EPHX2: variants seen among roughly 807,000 people sequenced by gnomAD.
EPHX2 encodes the protein bifunctional epoxide hydrolase 2.
Under a neutral mutation model 78.7 loss-of-function variants are expected in EPHX2, and 74 were observed. The observed-to-expected ratio is 0.94, with a 90% CI of 0.78 to 1.14. EPHX2 has a LOEUF of 1.14. Among genes scored for constraint, EPHX2 ranks in the 50% most tolerant of loss-of-function variants. EPHX2 has a pLI of 0.00. For missense variants in EPHX2, 715 were observed against 702.5 expected (o/e 1.02, Z -0.20); for synonymous variants, 251 against 255.2 (o/e 0.98, Z 0.16).
At chr8:27,517,665 A>G (rs1425759920) in intron 8 of EPHX2, among the ~76,000 whole-genome samples, 1 of 152,250 alleles carries the variant, frequency 6.6e-6, no homozygotes, top group East Asian at 1.9e-4. Flanking sequence ...TCTTCAAACA[A>G]ATGGTGGTGG....
chr8:27,530,762 CT>C (rs11343503), intron 12 of EPHX2, among the ~76,000 whole-genome samples: 14,630 of 127,108 alleles, frequency 0.12, 789 homozygotes, highest in African/African-American at 0.26. Context: ...TAATTTTTTT[CT>C]TTTTTTTTTT....
chr8:27,512,243 T>G, intron 6 of EPHX2: 1 of 305,086 alleles, frequency 3.3e-6, no homozygotes, highest in South Asian at 3.4e-5. Flanking sequence ...TCTCGGATTC[T>G]ATAAAGCAGT....
At chr8:27,536,301 C>T (rs1815208923) in intron 12 of EPHX2, among the ~76,000 whole-genome samples, 2 of 152,162 alleles carry the variant, frequency 1.3e-5, no homozygotes, top group South Asian at 2.1e-4. Context: ...GATGGGGTCT[C>T]GCTAGGTTGC....
At chr8:27,543,257 A>G (rs1380642468) in intron 16 of EPHX2, among the ~76,000 whole-genome samples, 1 of 152,026 alleles carries the variant, frequency 6.6e-6, no homozygotes, top group African/African-American at 2.4e-5. Flanking sequence ...GAGCGAGAAC[A>G]AAGGAAAAAA....
Position 27,501,021 on chromosome 8 carries a change from A to G in EPHX2, c.186+11A>G. 4 of 1,607,618 alleles carry G rather than the reference A, an allele frequency of 2.5e-6. No individual in the cohort carries two copies. The highest frequency in any genetic ancestry group is 3.4e-6 in the Non-Finnish European group (4 of 1,174,788). On this transcript the variant is annotated intron_variant, in intron 2 of 18. Transcript: ENST00000521400. ...ATCACACTTTCCCAGGTGAGGGGAC[A>G]TCACCACACAGAGCCCTTTGGATGA...
Position 27,545,387 on chromosome 8 carries a change from T to G in EPHX2, c.*865T>G, listed in dbSNP as rs966442020. The G allele has an allele frequency of 6.6e-6, 1 of 152,330 alleles. No homozygotes were observed. Among genetic ancestry groups the G allele is most frequent in the Non-Finnish European group, 1.5e-5 (1 of 68,172 alleles). The allele number at this position is 152,330 out of a possible 1,614,324, so 9.4% of individuals were successfully genotyped here. Reference sequence around the variant, plus strand: ...ACATCCGGTTAGGCTCCCATCTCACTGATGTGTCTCCTGCAGTGGTCTCTC... The same window carrying G: ...ACATCCGGTTAGGCTCCCATCTCACGGATGTGTCTCCTGCAGTGGTCTCTC... On this transcript the variant is annotated 3_prime_UTR_variant, in exon 19 of 19. Coordinates refer to ENST00000521400, the MANE Select transcript of EPHX2 (RefSeq NM_001979.6).
chr8:27,540,606 T>G lies in EPHX2; in HGVS notation c.1329T>G (p.Thr443=), dbSNP rs1815367252. 1 of 1,614,154 alleles carries G rather than the reference T, an allele frequency of 6.2e-7. No homozygotes were observed. Among genetic ancestry groups the G allele is most frequent in the Non-Finnish European group, 8.5e-7 (1 of 1,180,022 alleles). ...AGCCCAGCCTCAGCAGGATGGTCAC[T>G]GAGGAGGAAATCCAGTTCTATGTGC... ...PEEPSLSRMV[T]EEEIQFYVQQ... is the part of the protein sequence containing the mutation. Residue 443 remains threonine (T), a synonymous_variant, in exon 15 of 19, where the codon ACT becomes ACG. Coordinates refer to ENST00000521400, the MANE Select transcript of EPHX2 (RefSeq NM_001979.6).
At chr8:27,534,880 G>A (rs1815161290) in intron 12 of EPHX2, among the ~76,000 whole-genome samples, 1 of 152,340 alleles carries the variant, frequency 6.6e-6, no homozygotes, top group Non-Finnish European at 1.5e-5. Context: ...CCCCTTGGTG[G>A]TGGGAAAGAT....
intron 11 of EPHX2, among the ~76,000 whole-genome samples, chr8:27,525,122 G>GCC (rs1554523148): frequency 6.7e-6 from 1 of 150,356 alleles, no homozygotes; most frequent in African/African-American, 2.5e-5. Flanking sequence ...GCGCGCGCGC[G>GCC]CACCTATGTG....
At chr8:27,522,320 G>T in intron 10 of EPHX2, 103 bp from the exon 11 acceptor site, 1 of 1,057,354 alleles carries the variant, frequency 9.5e-7, no homozygotes, top group Admixed American at 2.0e-5. Flanking sequence ...TGTGGGTCGG[G>T]GGAGGAGACC....
chr8:27,501,394 T>TTCTTCTTCTGCTTCTGCTTC (rs376633107), intron 2 of EPHX2, among the ~76,000 whole-genome samples: 1 of 73,064 alleles, frequency 1.4e-5, no homozygotes, highest in African/African-American at 4.2e-5. Context: ...CTTCTTCTTC[T>TTCTTCTTCTGCTTCTGCTTC]TTCTTCTTTC....
At chr8:27,540,677 A>C (rs1351706055) in intron 15 of EPHX2, 21 bp downstream of exon 15, 2 of 1,606,310 alleles carry the variant, frequency 1.2e-6, no homozygotes, top group Non-Finnish European at 1.7e-6. Context: ...CACAGGGCCC[A>C]GACACAGATG....
At chr8:27,507,279 C>T (rs1291567108) in intron 5 of EPHX2, among the ~76,000 whole-genome samples, 1 of 152,176 alleles carries the variant, frequency 6.6e-6, no homozygotes, top group Non-Finnish European at 1.5e-5. Flanking sequence ...GTCATCCTGA[C>T]CTCACTTTTG....
intron 13 of EPHX2, 58 bp downstream of exon 13, chr8:27,536,913 G>A (rs1459528935): frequency 1.3e-6 from 2 of 1,583,570 alleles, no homozygotes; most frequent in Admixed American, 1.7e-5. Flanking sequence ...AGGAAGTAGG[G>A]TACCTAGTGT....
intron 1 of EPHX2, among the ~76,000 whole-genome samples, chr8:27,498,414 C>CT (rs906880570): frequency 2.0e-4 from 29 of 145,490 alleles, no homozygotes; most frequent in East Asian, 4.0e-4. Context: ...TATCAAGTTG[C>CT]TTTTTTTTTT....
downstream of EPHX2, among the ~76,000 whole-genome samples, chr8:27,546,918 G>A (rs911366275): frequency 2.0e-5 from 3 of 152,200 alleles, no homozygotes; most frequent in Non-Finnish European, 4.4e-5. Flanking sequence ...GGCTGGGGAG[G>A]CTCCAGAAAA....
intron 12 of EPHX2, among the ~76,000 whole-genome samples, chr8:27,534,410 G>A (rs1815144580): frequency 6.6e-6 from 1 of 152,150 alleles, no homozygotes; most frequent in African/African-American, 2.4e-5. Context: ...CAGCACTTTG[G>A]GAGGCCGAGG....
intron 9 of EPHX2, 82 bp from the exon 10 acceptor site, chr8:27,520,801 G>T: frequency 6.4e-7 from 1 of 1,557,846 alleles, no homozygotes; most frequent in Non-Finnish European, 8.9e-7. Flanking sequence ...CAGTTTTGGG[G>T]AGGACGCAGT....
rs72475868 is a variant in EPHX2 at position 27,520,878 on chromosome 8, C to T, written c.946-5C>T. 2,331 of 1,614,158 alleles carry T rather than the reference C, an allele frequency of 1.4e-3. 31 individuals carry two copies. The African/African-American group carries it at 0.028, about 19-fold the overall frequency. ...GATTTTGCCTGTGTGTGTCTTCTTC[C>T]TTAGGAGATGGTAACCTTCCTGGAT... On this transcript the variant is annotated splice_polypyrimidine_tract_variant and splice_region_variant and intron_variant, in intron 9 of 18. Coordinates refer to ENST00000521400, the MANE Select transcript of EPHX2 (RefSeq NM_001979.6).
Sources: gnomAD v4.1 joint callset for allele counts (sites outside exome capture counted in the v4.1 genomes callset) on GRCh38, gnomAD v4.1.1 for gene constraint, MANE v1.5 for transcripts, NCBI Gene and HGNC (gene_info 2026-07-23, HGNC 2026-07-21) for gene names.